KCNAB1: variants seen among roughly 807,000 people sequenced by gnomAD.
KCNAB1 encodes voltage-gated potassium channel subunit beta-1.
A neutral mutation model predicts 64.6 loss-of-function variants in KCNAB1; 35 were observed. That is an observed-to-expected ratio of 0.54 (90% CI 0.41 to 0.72). The LOEUF is 0.72. Among genes scored for constraint, KCNAB1 ranks in the 30% least tolerant of loss-of-function variants. KCNAB1 has a pLI of 0.00. For missense variants in KCNAB1, 401 were observed against 512.9 expected, an observed-to-expected ratio of 0.78 and a Z score of 2.11; for synonymous variants, 177 against 183.8, an observed-to-expected ratio of 0.96 and a Z score of 0.30.
chr3:156,209,047 A>G (rs1714849765), intron 1 of KCNAB1, among the ~76,000 whole-genome samples: 1 of 152,254 alleles, frequency 6.6e-6, no homozygotes, highest in Non-Finnish European at 1.5e-5. Flanking sequence ...AAGAGGCGTA[A>G]GATACTATGT....
chr3:156,134,188 A>G (rs1225506690), intron 1 of KCNAB1, among the ~76,000 whole-genome samples: 1 of 152,226 alleles, frequency 6.6e-6, no homozygotes, highest in Non-Finnish European at 1.5e-5. Context: ...ATGTTAAAAT[A>G]TCCTCAGGGG....
chr3:156,483,574 T>C (rs1277185211), intron 8 of KCNAB1, among the ~76,000 whole-genome samples: 3 of 152,144 alleles, frequency 2.0e-5, no homozygotes, highest in Non-Finnish European at 4.4e-5. Context: ...ATATAAATTC[T>C]GCCTATGTCT....
chr3:156,340,590 C>A (rs1724038481), intron 1 of KCNAB1, among the ~76,000 whole-genome samples: 1 of 152,216 alleles, frequency 6.6e-6, no homozygotes, highest in South Asian at 2.1e-4. Context: ...GTTAGTGCTG[C>A]TGCTGCCTTC....
chr3:156,494,600 C>G (rs1715867988), intron 8 of KCNAB1, among the ~76,000 whole-genome samples: 1 of 152,104 alleles, frequency 6.6e-6, no homozygotes, highest in Non-Finnish European at 1.5e-5. Flanking sequence ...GAAAGAGATT[C>G]ACGTGTGAAA....
At chr3:156,379,393 G>T (rs1711982150) in intron 1 of KCNAB1, among the ~76,000 whole-genome samples, 1 of 152,194 alleles carries the variant, frequency 6.6e-6, no homozygotes, top group Non-Finnish European at 1.5e-5. Context: ...TATACATAAA[G>T]ATAGAAAAGG....
chr3:156,176,420 A>G, intron 1 of KCNAB1: 1 of 784,352 alleles, frequency 1.3e-6, no homozygotes, highest in South Asian at 1.3e-5. Flanking sequence ...TGCTAGTGCA[A>G]ACAAGGTGGC....
intron 1 of KCNAB1, among the ~76,000 whole-genome samples, chr3:156,248,469 ATTTTTT>A (rs33915450): frequency 4.0e-5 from 4 of 100,136 alleles, no homozygotes; most frequent in Non-Finnish European, 2.0e-5. Flanking sequence ...CTGTAATGAG[ATTTTTT>A]TTTTTTTTTT....
At chr3:156,504,418 T>C (rs975221091) in intron 8 of KCNAB1, among the ~76,000 whole-genome samples, 9 of 152,200 alleles carry the variant, frequency 5.9e-5, no homozygotes, top group Non-Finnish European at 1.0e-4. Context: ...TTCCTTTGGA[T>C]ATATAATCAG....
At chr3:156,441,756 G>T (rs1482425127) in intron 2 of KCNAB1, among the ~76,000 whole-genome samples, 1 of 152,042 alleles carries the variant, frequency 6.6e-6, no homozygotes, top group Non-Finnish European at 1.5e-5. Flanking sequence ...TGTTTTAAAG[G>T]CCCTGGAAAC....
chr3:156,474,652 A>G (rs1228637047), intron 7 of KCNAB1, 82 bp from the exon 8 acceptor site: 1 of 982,866 alleles, frequency 1.0e-6, no homozygotes. Context: ...TTTTAAAGCA[A>G]ATTCTTGAAA....
intron 8 of KCNAB1, among the ~76,000 whole-genome samples, chr3:156,499,984 A>G (rs1462803686): frequency 6.6e-6 from 1 of 152,188 alleles, no homozygotes; most frequent in Non-Finnish European, 1.5e-5. Flanking sequence ...TATGGGGGTG[A>G]CTCTTTTCCA....
At chr3:156,351,685 G>A (rs894163438) in intron 1 of KCNAB1, among the ~76,000 whole-genome samples, 1 of 152,190 alleles carries the variant, frequency 6.6e-6, no homozygotes, top group African/African-American at 2.4e-5. Flanking sequence ...CAAATGAAAG[G>A]CCTTGAGATG....
At chr3:156,445,069 G>A (rs1717302179) in intron 2 of KCNAB1, among the ~76,000 whole-genome samples, 1 of 152,204 alleles carries the variant, frequency 6.6e-6, no homozygotes, top group South Asian at 2.1e-4. Flanking sequence ...AGGCTGCGGT[G>A]GGCGGATCAC....
chr3:156,456,323 T>C (rs2108285450), intron 3 of KCNAB1, among the ~76,000 whole-genome samples: 1 of 152,328 alleles, frequency 6.6e-6, no homozygotes, highest in Admixed American at 6.5e-5. Flanking sequence ...AATATACCAG[T>C]ATGTCATATG....
At chr3:156,132,348 C>T (rs1714044922) in intron 1 of KCNAB1, among the ~76,000 whole-genome samples, 1 of 152,166 alleles carries the variant, frequency 6.6e-6, no homozygotes. Flanking sequence ...ATCTGATATC[C>T]ACCTGGCAGT....
intron 1 of KCNAB1, among the ~76,000 whole-genome samples, chr3:156,148,156 T>C (rs553749846): frequency 3.0e-4 from 46 of 152,312 alleles, no homozygotes; most frequent in Non-Finnish European, 5.7e-4. Flanking sequence ...TTAGTTTTCC[T>C]ACCTGGAATA....
At chr3:156,439,055 T>C (rs1254801134) in intron 2 of KCNAB1, among the ~76,000 whole-genome samples, 3 of 151,946 alleles carry the variant, frequency 2.0e-5, no homozygotes, top group African/African-American at 2.4e-5. Context: ...GGATAGACTA[T>C]GTCATCAGAC....
chr3:156,280,804 A>G (rs1719662998), intron 1 of KCNAB1, among the ~76,000 whole-genome samples: 1 of 151,680 alleles, frequency 6.6e-6, no homozygotes, highest in African/African-American at 2.4e-5. Flanking sequence ...TGATTTTTGT[A>G]CATTGATTTT....
At chr3:156,511,635 C>CT (rs1246578491) in intron 8 of KCNAB1, among the ~76,000 whole-genome samples, 1 of 152,210 alleles carries the variant, frequency 6.6e-6, no homozygotes, top group Non-Finnish European at 1.5e-5. Flanking sequence ...ACCACTCTCT[C>CT]TGTTTGCCAT....
Sources: allele counts gnomAD v4.1 joint callset (sites outside exome capture counted in the v4.1 genomes callset), GRCh38; gene constraint gnomAD v4.1.1; transcripts MANE v1.5; gene names NCBI Gene and HGNC (gene_info 2026-07-23, HGNC 2026-07-21).